DNAH11: variants seen among roughly 807,000 people sequenced by gnomAD.
DNAH11 encodes the protein axonemal beta dynein heavy chain 11.
DNAH11 carries 442 observed loss-of-function variants against 526.0 expected under a neutral mutation model. The observed-to-expected ratio is 0.84, with a 90% CI of 0.78 to 0.91. The LOEUF (loss-of-function observed/expected upper bound fraction) is 0.91, where lower values mean the gene tolerates loss of function less well. Ranked by LOEUF, DNAH11 falls within the 40% of genes least tolerant of loss-of-function variation. The probability of loss-of-function intolerance (pLI) is 0.00; values close to 1 mark genes in which losing one functional copy is unlikely to be tolerated. For missense variants in DNAH11, 6,989 were observed against 5,448.7 expected, an observed-to-expected ratio of 1.28 and a Z score of -8.90; for synonymous variants, 2,461 against 1,935.9, an observed-to-expected ratio of 1.27 and a Z score of -7.12.
intron 65 of DNAH11, among the ~76,000 whole-genome samples, chr7:21,840,711 G>A (rs560274716): frequency 3.3e-5 from 5 of 152,036 alleles, no homozygotes; most frequent in South Asian, 2.1e-4. Flanking sequence ...TGATTACTAC[G>A]TACCCTTAAA....
chr7:21,728,280 CAG>C (rs1285342650), intron 45 of DNAH11, among the ~76,000 whole-genome samples: 2 of 87,260 alleles, frequency 2.3e-5, no homozygotes, highest in Non-Finnish European at 4.0e-5. Context: ...TTTTTTGAGA[CAG>C]AGTCTTACTC....
chr7:21,545,420 TCC>T (rs1423835626), intron 2 of DNAH11, among the ~76,000 whole-genome samples: 1 of 151,854 alleles, frequency 6.6e-6, no homozygotes, highest in Non-Finnish European at 1.5e-5. Flanking sequence ...GATCATTCTC[TCC>T]CTTTCTTCCT....
intron 58 of DNAH11, among the ~76,000 whole-genome samples, chr7:21,785,594 ATATT>A (rs1470293324): frequency 1.3e-5 from 2 of 152,278 alleles, no homozygotes; most frequent in African/African-American, 4.8e-5. Context: ...GAGTAATGGA[ATATT>A]TATTTTCTTT....
chr7:21,584,301 C>G (rs975660830), intron 9 of DNAH11, among the ~76,000 whole-genome samples: 1 of 152,076 alleles, frequency 6.6e-6, no homozygotes, highest in Non-Finnish European at 1.5e-5. Context: ...AGCTGGAAAC[C>G]AACATTCTCA....
intron 6 of DNAH11, among the ~76,000 whole-genome samples, chr7:21,564,974 A>G (rs1245269243): frequency 2.6e-5 from 4 of 152,154 alleles, no homozygotes; most frequent in African/African-American, 9.7e-5. Context: ...GGATTCTTCC[A>G]TGTTCACAGT....
Position 21,873,310 on chromosome 7 carries a change from G to A in DNAH11, c.12004G>A (p.Glu4002Lys). The A allele has an allele frequency of 1.2e-6, 2 of 1,605,616 alleles. No homozygotes were observed. The highest frequency in any genetic ancestry group is 1.3e-5 in the African/African-American group (1 of 74,908). Residue 4002 changes from glutamate (E) to lysine (K), a missense_variant, in exon 74 of 82, where the codon GAG (glutamate) becomes AAG (lysine). By Grantham distance (56) the Glu-to-Lys change is moderately conservative. Transcript: ENST00000409508. ...GGTAGCCAAGTGGCTAGGAACCTTG[G>A]AGAAGCTCCTTGAAAGATTCAGCCA... is the stretch of plus-strand genomic sequence containing the variant. ...HLVAKWLGTL[E>K]KLLERFSQGS...
Position 21,787,465 on chromosome 7 carries a change from A to C in DNAH11, c.9806A>C (p.Lys3269Thr). 1 of 1,613,798 alleles carries C rather than the reference A, an allele frequency of 6.2e-7. No homozygotes were observed. The highest frequency in any genetic ancestry group is 8.5e-7 in the Non-Finnish European group (1 of 1,179,756). The change falls in exon 60 of 82, where the codon AAA (lysine) becomes ACA (threonine). Residue 3269 changes from lysine (K) to threonine (T), a missense_variant. Physicochemically the swap from Lys to Thr is moderately conservative, Grantham distance 78. Transcript: ENST00000409508. ...GAGCACATTCCAGAGAACTGTCTAAAAGTGGTGAATGAACACTATTTGAAA... is the reference window on the plus strand; with the variant it reads ...GAGCACATTCCAGAGAACTGTCTAACAGTGGTGAATGAACACTATTTGAAA... ...DKEHIPENCL[K>T]VVNEHYLKDP...
At chr7:21,862,071 A>G (rs1438262120) in intron 69 of DNAH11, 48 bp downstream of exon 69, 4 of 1,522,880 alleles carry the variant, frequency 2.6e-6, no homozygotes, top group Non-Finnish European at 3.6e-6. Flanking sequence ...CCAAAGGCAG[A>G]TGCCTCTGTT....
At chr7:21,720,048 G>A (rs899227684) in intron 43 of DNAH11, among the ~76,000 whole-genome samples, 2 of 152,206 alleles carry the variant, frequency 1.3e-5, no homozygotes, top group Non-Finnish European at 2.9e-5. Context: ...CGCCCAGCAC[G>A]TTGCCATTTC....
chr7:21,681,025 C>G (rs1244248199), intron 30 of DNAH11, among the ~76,000 whole-genome samples: 4 of 152,112 alleles, frequency 2.6e-5, no homozygotes, highest in Non-Finnish European at 5.9e-5. Context: ...TCTTCCCTGG[C>G]TTTGTCATTA....
In DNAH11 at chr7:21,696,099, G is replaced by A. The variant is rs552705702; in HGVS notation, c.6042-1976G>A. 3.8e-4 allele frequency among the ~76,000 whole-genome samples: 58 copies of A among 152,080 alleles called. No homozygotes were observed. The South Asian group carries it at 0.012, about 31-fold the overall frequency. On this transcript the variant is annotated intron_variant, in intron 35 of 81. Coordinates refer to ENST00000409508, the MANE Select transcript of DNAH11 (RefSeq NM_001277115.2). ...AGTTTTATTTTGGGGTTTTATTTAG[G>A]GTGCTCAATATGTGTGCTCAATACT...
intron 44 of DNAH11, among the ~76,000 whole-genome samples, chr7:21,725,287 G>C (rs893822861): frequency 6.6e-6 from 1 of 152,150 alleles, no homozygotes; most frequent in African/African-American, 2.4e-5. Context: ...GAATTCCAGA[G>C]ATCAACAGAG....
chr7:21,634,046 C>T (rs1206624129), intron 25 of DNAH11, among the ~76,000 whole-genome samples: 1 of 152,034 alleles, frequency 6.6e-6, no homozygotes, highest in Non-Finnish European at 1.5e-5. Flanking sequence ...TCTCTTCAGA[C>T]ATGAAAAGAA....
intron 63 of DNAH11, among the ~76,000 whole-genome samples, chr7:21,815,158 G>A (rs13231851): frequency 0.41 from 61,550 of 151,896 alleles, 13,295 homozygotes; most frequent in East Asian, 0.8. Context: ...TTTTGGATAT[G>A]AGATCTGCAG....
At chr7:21,782,863 T>C (rs1444620650) in intron 57 of DNAH11, among the ~76,000 whole-genome samples, 1 of 149,134 alleles carries the variant, frequency 6.7e-6, no homozygotes, top group African/African-American at 2.5e-5. Flanking sequence ...TGAGCCGAGA[T>C]CATGCCACTG....
chr7:21,892,500 A>G lies in DNAH11; in HGVS notation c.12583A>G (p.Ile4195Val). 4 of 1,613,974 alleles carry G rather than the reference A, an allele frequency of 2.5e-6. No homozygotes were observed. The highest frequency in any genetic ancestry group is 3.4e-6 in the Non-Finnish European group (4 of 1,179,876). ...AGATTATGCAGGCTACCACCAGTAC[A>G]TAGAGGAGATGCTTCCTCCAGAAAG... ...YLDYAGYHQY[I>V]EEMLPPESPA... Residue 4195 changes from isoleucine to valine, a missense_variant, in exon 77 of 82, where the codon ATA becomes GTA. Coordinates refer to ENST00000409508, the MANE Select transcript of DNAH11 (RefSeq NM_001277115.2).
chr7:21,640,003 T>C (rs577795745), intron 28 of DNAH11, among the ~76,000 whole-genome samples: 1 of 152,350 alleles, frequency 6.6e-6, no homozygotes, highest in South Asian at 2.1e-4. Flanking sequence ...TATTTCTCTC[T>C]TGTTCATCAC....
intron 36 of DNAH11, among the ~76,000 whole-genome samples, chr7:21,701,250 A>T (rs904664675): frequency 6.6e-6 from 1 of 151,348 alleles, no homozygotes; most frequent in Admixed American, 6.6e-5. Flanking sequence ...GCATACACAC[A>T]TGTACAACTG....
chr7:21,896,750 A>T (rs926030836), intron 79 of DNAH11, among the ~76,000 whole-genome samples: 1 of 152,028 alleles, frequency 6.6e-6, no homozygotes, highest in African/African-American at 2.4e-5. Flanking sequence ...AACTGTCTCC[A>T]ATCTGTTTCT....
Sources: gnomAD v4.1 joint callset for allele counts (sites outside exome capture counted in the v4.1 genomes callset) on GRCh38, gnomAD v4.1.1 for gene constraint, MANE v1.5 for transcripts, NCBI Gene and HGNC (gene_info 2026-07-23, HGNC 2026-07-21) for gene names.